Variants in NAV3 observed in about 807,000 individuals in gnomAD.
NAV3 encodes the protein neuron navigator 3.
Under a neutral mutation model 244.7 loss-of-function variants are expected in NAV3, and 87 were observed. The observed-to-expected ratio is 0.36, with a 90% CI of 0.30 to 0.42. NAV3 has a LOEUF of 0.42. Ranked by LOEUF, NAV3 falls within the 20% of genes least tolerant of loss-of-function variation. The pLI is 1.00. For missense variants in NAV3, 2,663 were observed against 2,893.3 expected (o/e 0.92, Z 1.83); for synonymous variants, 1,126 against 1,042.2 (o/e 1.08, Z -1.55).
At chr12:77,918,144 A>G (rs916797955) in intron 1 of NAV3, among the ~76,000 whole-genome samples, 62 of 152,064 alleles carry the variant, frequency 4.1e-4, no homozygotes, top group Non-Finnish European at 2.2e-4. Context: ...GGAATGGTTA[A>G]CTGTGATATT....
At chr12:77,765,528 A>C (rs909217854) in intron 2 of NAV3, among the ~76,000 whole-genome samples, 2 of 152,206 alleles carry the variant, frequency 1.3e-5, no homozygotes, top group African/African-American at 4.8e-5. Context: ...CACTCAGTTA[A>C]GGTGATTTTT....
chr12:78,093,949 G>T (rs1451508892), intron 12 of NAV3, among the ~76,000 whole-genome samples: 1 of 151,964 alleles, frequency 6.6e-6, no homozygotes, highest in Admixed American at 6.6e-5. Flanking sequence ...AAACACTTGG[G>T]CTCAAACAGT....
intron 3 of NAV3, among the ~76,000 whole-genome samples, 171 bp downstream of exon 3, chr12:77,941,304 T>C (rs1889846548): frequency 6.6e-6 from 1 of 152,186 alleles, no homozygotes; most frequent in Admixed American, 6.5e-5. Context: ...ATCAACATCA[T>C]TAAGTGACTC....
intron 12 of NAV3, among the ~76,000 whole-genome samples, chr12:78,083,128 A>G (rs1430424292): frequency 1.3e-5 from 2 of 152,216 alleles, no homozygotes; most frequent in Non-Finnish European, 2.9e-5. Flanking sequence ...CCTTCTTGCT[A>G]GTGGGGATGC....
At chr12:77,994,327 G>A (rs891395110) in intron 5 of NAV3, among the ~76,000 whole-genome samples, 11 of 152,134 alleles carry the variant, frequency 7.2e-5, no homozygotes, top group South Asian at 2.1e-4. Context: ...TTTGGCTTTC[G>A]AAATAATATT....
chr12:77,766,735 GTTTTTTTTTTTTTTTTTTTTT>G (rs748531378), intron 2 of NAV3, among the ~76,000 whole-genome samples: 2 of 60,516 alleles, frequency 3.3e-5, no homozygotes, highest in African/African-American at 1.3e-4. Flanking sequence ...AGGCAATTAA[GTTTTTTTTTTTTTTTTTTTTT>G]TTTTTTTTTT....
intron 28 of NAV3, among the ~76,000 whole-genome samples, chr12:78,177,956 C>A (rs1289388579): frequency 6.6e-6 from 1 of 151,782 alleles, no homozygotes; most frequent in African/African-American, 2.4e-5. Context: ...CTTTCCAAGA[C>A]CCCCAGTGGA....
chr12:78,160,399 G>GTGTGT (rs71088364), intron 23 of NAV3, among the ~76,000 whole-genome samples: 3 of 87,554 alleles, frequency 3.4e-5, no homozygotes, highest in Non-Finnish European at 7.0e-5. Flanking sequence ...GTGTGTGTGT[G>GTGTGT]CGTGCGTGTG....
intron 1 of NAV3, among the ~76,000 whole-genome samples, chr12:77,921,689 T>C (rs1433585453): frequency 2.0e-5 from 3 of 152,138 alleles, no homozygotes; most frequent in Non-Finnish European, 4.4e-5. Context: ...AAATGATATA[T>C]TTTTATGAGG....
intron 2 of NAV3, among the ~76,000 whole-genome samples, chr12:77,614,292 T>A (rs1871062683): frequency 6.6e-6 from 1 of 151,772 alleles, no homozygotes. Flanking sequence ...GAAATTGTCC[T>A]TGGTTGATAA....
chr12:78,008,637 G>A (rs1874672158), intron 8 of NAV3, among the ~76,000 whole-genome samples: 1 of 138,252 alleles, frequency 7.2e-6, no homozygotes, highest in South Asian at 2.4e-4. Flanking sequence ...TTAAAATAAA[G>A]CAGTTTATAC....
At chr12:77,929,798 ATTTTTTTTTTT>A (rs10602394) in intron 1 of NAV3, among the ~76,000 whole-genome samples, 2 of 106,044 alleles carry the variant, frequency 1.9e-5, no homozygotes, top group African/African-American at 7.4e-5. Flanking sequence ...ACGGCCAGCT[ATTTTTTTTTTT>A]TTTTTTTTTT....
chr12:78,021,113 C>A (rs1877080618), intron 8 of NAV3, among the ~76,000 whole-genome samples: 1 of 151,974 alleles, frequency 6.6e-6, no homozygotes, highest in Non-Finnish European at 1.5e-5. Context: ...TTGTTGAGTG[C>A]TTTTCTTTTA....
At chr12:77,969,294 T>G (rs796144654) in intron 5 of NAV3, among the ~76,000 whole-genome samples, 11 of 152,062 alleles carry the variant, frequency 7.2e-5, no homozygotes, top group African/African-American at 2.4e-4. Flanking sequence ...CCTTTTCTCT[T>G]CCATTATTAT....
At chr12:77,782,086 A>C (rs1476342541) in intron 2 of NAV3, among the ~76,000 whole-genome samples, 4 of 152,196 alleles carry the variant, frequency 2.6e-5, no homozygotes, top group Non-Finnish European at 4.4e-5. Context: ...CAATATTATT[A>C]GTAATAATTT....
chr12:78,037,529 T>A (rs538700386), intron 9 of NAV3: 2 of 586,426 alleles, frequency 3.4e-6, no homozygotes, highest in Non-Finnish European at 6.0e-6. Flanking sequence ...AAATTCCTGT[T>A]TCTTGAAGTG....
chr12:77,990,335 A>G (rs1043288729), intron 5 of NAV3, among the ~76,000 whole-genome samples: 1 of 152,234 alleles, frequency 6.6e-6, no homozygotes, highest in African/African-American at 2.4e-5. Context: ...AAAGTTGGTC[A>G]ACAGGAAATA....
intron 1 of NAV3, among the ~76,000 whole-genome samples, chr12:77,872,452 T>C (rs1330770024): frequency 6.6e-6 from 1 of 152,152 alleles, no homozygotes; most frequent in Admixed American, 6.5e-5. Context: ...TTGGTGGAAA[T>C]GCAAGAGTTA....
At chr12:78,141,245 C>A (rs985779454) in intron 20 of NAV3, among the ~76,000 whole-genome samples, 2 of 149,616 alleles carry the variant, frequency 1.3e-5, no homozygotes, top group Non-Finnish European at 3.0e-5. Context: ...CTTTTGCAAA[C>A]GTGTGACATT....
Sources: allele counts gnomAD v4.1 joint callset (sites outside exome capture counted in the v4.1 genomes callset), GRCh38; gene constraint gnomAD v4.1.1; transcripts MANE v1.5; gene names NCBI Gene and HGNC (gene_info 2026-07-23, HGNC 2026-07-21).